The following KLHL5 variants were observed in gnomAD, a reference collection of about 807,000 sequenced individuals.
The protein encoded by KLHL5 is kelch like family member 5.
A neutral mutation model predicts 77.7 loss-of-function variants in KLHL5; 48 were observed. That is an observed-to-expected ratio of 0.62 (90% CI 0.49 to 0.79). KLHL5 has a LOEUF of 0.79. Ranked by LOEUF, KLHL5 falls within the 30% of genes least tolerant of loss-of-function variation. The pLI is 0.00. For missense variants in KLHL5, 723 were observed against 859.7 expected (o/e 0.84, Z 1.99); for synonymous variants, 260 against 297.0 (o/e 0.88, Z 1.28).
chr4:39,134,738 A>C, the KLHL5 span, among the ~76,000 whole-genome samples: 4 of 152,256 alleles, frequency 2.6e-5, no homozygotes, highest in Non-Finnish European at 5.9e-5. Flanking sequence ...TGTTCTGTGA[A>C]AGGACAAAAG....
chr4:39,112,804 A>T (rs1275804677), intron 8 of KLHL5: 12 of 500,892 alleles, frequency 2.4e-5, no homozygotes, highest in Non-Finnish European at 3.9e-5. Flanking sequence ...CTTCATGTGC[A>T]GTTTGTTTTC....
chr4:39,079,902 C>T (rs1408089330), intron 2 of KLHL5, among the ~76,000 whole-genome samples: 4 of 152,146 alleles, frequency 2.6e-5, no homozygotes, highest in Non-Finnish European at 5.9e-5. Flanking sequence ...TGAAAAACCT[C>T]ACTAGCAATC....
rs566286774 is a variant in KLHL5, at chr4:39,123,441, A to G, written c.*2375A>G. On this transcript the variant is annotated 3_prime_UTR_variant, in exon 11 of 11. Transcript: ENST00000504108. ...CTACAGACCAATATCCCTTATGAAT[A>G]TAGATGCAAAAAAACTTCAAAATAC... Among the ~76,000 whole-genome samples, 4 of 152,324 alleles carry G rather than the reference A, an allele frequency of 2.6e-5. No individual in the cohort carries two copies. In the East Asian group the frequency reaches 5.8e-4, roughly 22 times the overall value.
At chr4:39,112,526 T>G (rs925778991) in intron 8 of KLHL5, among the ~76,000 whole-genome samples, 5 of 152,206 alleles carry the variant, frequency 3.3e-5, no homozygotes, top group Admixed American at 6.5e-5. Flanking sequence ...TTCTTTACAC[T>G]GTGAAACAGG....
At chr4:39,053,399 A>G (rs948185304) in intron 1 of KLHL5, among the ~76,000 whole-genome samples, 1 of 152,208 alleles carries the variant, frequency 6.6e-6, no homozygotes, top group African/African-American at 2.4e-5. Flanking sequence ...ATCACCATAA[A>G]GCTACGTGAA....
At chr4:39,069,736 T>C (rs1275569709) in intron 1 of KLHL5, among the ~76,000 whole-genome samples, 1 of 152,098 alleles carries the variant, frequency 6.6e-6, no homozygotes, top group African/African-American at 2.4e-5. Flanking sequence ...AATCTTATTG[T>C]ACATATTGTT....
At chr4:39,069,106 C>T (rs1294353553) in intron 1 of KLHL5, among the ~76,000 whole-genome samples, 1 of 152,110 alleles carries the variant, frequency 6.6e-6, no homozygotes, top group Non-Finnish European at 1.5e-5. Context: ...ATGATTGAAG[C>T]TTACTCAGCT....
intron 5 of KLHL5, among the ~76,000 whole-genome samples, chr4:39,095,118 C>G (rs141711039): frequency 6.6e-6 from 1 of 151,976 alleles, no homozygotes; most frequent in African/African-American, 2.4e-5. Flanking sequence ...GTGTGTATTA[C>G]AAGGAACTCT....
At chr4:39,071,096 T>G (rs917936144) in intron 1 of KLHL5, among the ~76,000 whole-genome samples, 1 of 152,158 alleles carries the variant, frequency 6.6e-6, no homozygotes, top group Non-Finnish European at 1.5e-5. Context: ...AATTGTACAA[T>G]GGTGTCTATA....
At chr4:39,062,211 C>T, upstream of KLHL5, 1 of 1,126,984 alleles carries the variant, frequency 8.9e-7, no homozygotes. Context: ...AGTTAATATA[C>T]TAAGCAGCAG....
intron 10 of KLHL5, among the ~76,000 whole-genome samples, chr4:39,116,858 CAG>C (rs1298576171): frequency 1.1e-4 from 16 of 152,082 alleles, no homozygotes; most frequent in Admixed American, 2.0e-4. Flanking sequence ...GTTTTTCAGA[CAG>C]AGTCTTGCTC....
chr4:39,091,277 C>T (rs1260477764), intron 5 of KLHL5, among the ~76,000 whole-genome samples: 2 of 152,054 alleles, frequency 1.3e-5, no homozygotes, highest in African/African-American at 4.8e-5. Flanking sequence ...GTGTGAGCCA[C>T]CATGCCCAGC....
intron 1 of KLHL5, among the ~76,000 whole-genome samples, chr4:39,049,293 G>T (rs1392746706): frequency 6.6e-6 from 1 of 152,212 alleles, no homozygotes; most frequent in Non-Finnish European, 1.5e-5. Flanking sequence ...AGTTTGAAAT[G>T]AAATGCTTTT....
chr4:39,101,126 T>TATACATATATATATATA (rs1553892884), intron 6 of KLHL5, among the ~76,000 whole-genome samples: 11,792 of 134,384 alleles, frequency 0.088, 829 homozygotes, highest in East Asian at 0.13. Context: ...TATTTGGATT[T>TATACATATATATATATA]TATATATATA....
At chr4:39,098,402 A>G (rs536786275) in intron 6 of KLHL5, among the ~76,000 whole-genome samples, 9 of 151,416 alleles carry the variant, frequency 5.9e-5, no homozygotes, top group African/African-American at 1.5e-4. Context: ...AGCTGGGACT[A>G]CAGGCACATG....
At chr4:39,127,488 C>T (rs1438297352), downstream of KLHL5, among the ~76,000 whole-genome samples, 1 of 152,066 alleles carries the variant, frequency 6.6e-6, no homozygotes, top group Non-Finnish European at 1.5e-5. Context: ...TGCTCTGTCG[C>T]CCAGGCTGGA....
chr4:39,124,256 ATACAATCCCC>A lies in KLHL5; in HGVS notation c.*3191_*3200del, dbSNP rs1560447970. 2.0e-5 allele frequency among the ~76,000 whole-genome samples: 3 copies of A among 152,326 alleles called. No homozygotes were observed. The highest frequency in any genetic ancestry group is 3.9e-4 in the East Asian group (2 of 5,184). ...CTCCCAAAATTAGTCTATAGATTTA[ATACAATCCCC>A]ATTAAAATTCCAGTGACCCTTTTAC... On this transcript the variant is annotated 3_prime_UTR_variant, in exon 11 of 11. Transcript: ENST00000504108.
At chr4:39,087,011 A>G (rs1381059301) in intron 5 of KLHL5, among the ~76,000 whole-genome samples, 2 of 145,906 alleles carry the variant, frequency 1.4e-5, no homozygotes, top group Non-Finnish European at 3.0e-5. Context: ...CCCCAGTTCA[A>G]GTTATTCTCC....
upstream of KLHL5, among the ~76,000 whole-genome samples, chr4:39,060,942 A>G (rs564061329): frequency 6.6e-6 from 1 of 152,272 alleles, no homozygotes; most frequent in South Asian, 2.1e-4. Flanking sequence ...CCTTAAAATT[A>G]ATTTGGTATG....
Sources: gnomAD v4.1 joint callset for allele counts (sites outside exome capture counted in the v4.1 genomes callset) on GRCh38, gnomAD v4.1.1 for gene constraint, MANE v1.5 for transcripts, NCBI Gene and HGNC (gene_info 2026-07-23, HGNC 2026-07-21) for gene names.